The following RAB28 variants were observed in gnomAD, a reference collection of about 807,000 sequenced individuals.
RAB28 encodes ras-related protein Rab-28.
A neutral mutation model predicts 31.7 loss-of-function variants in RAB28; 24 were observed. The ratio of observed to expected loss-of-function variants is 0.76; its 90% CI spans 0.55 to 1.06. The LOEUF (loss-of-function observed/expected upper bound fraction) is 1.06, where lower values mean the gene tolerates loss of function less well. Ranked by LOEUF, RAB28 falls within the 50% of genes least tolerant of loss-of-function variation. The probability of loss-of-function intolerance (pLI) is 0.00; values close to 1 mark genes in which losing one functional copy is unlikely to be tolerated. For synonymous variants in RAB28, 100 were observed against 90.4 expected (o/e 1.11, Z -0.60); for missense variants, 254 against 258.5 (o/e 0.98, Z 0.12).
intron 4 of RAB28, among the ~76,000 whole-genome samples, chr4:13,391,025 C>T (rs1283055480): frequency 1.3e-5 from 2 of 152,104 alleles, no homozygotes; most frequent in African/African-American, 4.8e-5. Flanking sequence ...ACACCAAAAG[C>T]AATGGCAACA....
At chr4:13,472,685 C>A (rs1257015195) in intron 3 of RAB28, among the ~76,000 whole-genome samples, 1 of 151,810 alleles carries the variant, frequency 6.6e-6, no homozygotes, top group Non-Finnish European at 1.5e-5. Context: ...GCCTTGAAGA[C>A]AGATTTTATG....
rs142594854 is a variant in RAB28 at position 13,405,461 on chromosome 4, T to C, written c.392-23867A>G. Among the ~76,000 whole-genome samples the C allele has an allele frequency of 6.0e-3, 917 of 152,302 alleles. 2 individuals are homozygous for C. Among genetic ancestry groups the C allele is most frequent in the Non-Finnish European group, 7.7e-3 (527 of 68,008 alleles). ...TGAAAACTACAGTTCTTTGGATAGA[T>C]AACTGTTCTTATGTTAATGAATCAT... is the stretch of plus-strand genomic sequence containing the variant. On this transcript the variant is annotated intron_variant, in intron 4 of 6. Transcript: ENST00000330852.
chr4:13,453,506 G>A (rs1715086981), intron 4 of RAB28, among the ~76,000 whole-genome samples: 1 of 152,086 alleles, frequency 6.6e-6, no homozygotes, highest in African/African-American at 2.4e-5. Flanking sequence ...AGATGTAAGA[G>A]TACCTTGAAC....
At chr4:13,448,399 T>C (rs1197479337) in intron 4 of RAB28, among the ~76,000 whole-genome samples, 2 of 152,048 alleles carry the variant, frequency 1.3e-5, no homozygotes, top group Non-Finnish European at 2.9e-5. Flanking sequence ...TGGAGAGATA[T>C]CATATAAACA....
intron 2 of RAB28, among the ~76,000 whole-genome samples, chr4:13,477,091 T>C (rs1254726983): frequency 2.0e-5 from 3 of 151,556 alleles, no homozygotes; most frequent in Non-Finnish European, 4.4e-5. Flanking sequence ...GAACGCTGTT[T>C]ACTGGACTGT....
chr4:13,434,849 T>C (rs1244324458), intron 4 of RAB28, among the ~76,000 whole-genome samples: 2 of 151,580 alleles, frequency 1.3e-5, no homozygotes, highest in Non-Finnish European at 2.9e-5. Flanking sequence ...TGAAACCCTG[T>C]CTCTACTAAA....
chr4:13,423,874 G>A (rs901467820), intron 4 of RAB28, among the ~76,000 whole-genome samples: 2 of 152,064 alleles, frequency 1.3e-5, no homozygotes, highest in Admixed American at 6.5e-5. Flanking sequence ...GGGAGGGAAG[G>A]GGAGTTCTAT....
chr4:13,426,746 G>A (rs541555166), intron 4 of RAB28, among the ~76,000 whole-genome samples: 2 of 152,148 alleles, frequency 1.3e-5, no homozygotes, highest in African/African-American at 2.4e-5. Flanking sequence ...ATACTGATGA[G>A]ATTACATTCA....
At chr4:13,476,486 G>A (rs1163125061) in intron 2 of RAB28, among the ~76,000 whole-genome samples, 1 of 151,242 alleles carries the variant, frequency 6.6e-6, no homozygotes, top group Non-Finnish European at 1.5e-5. Context: ...TTCAATAAAT[G>A]ATATTTTAAT....
intron 6 of RAB28, chr4:13,370,449 AT>A: frequency 1.3e-6 from 1 of 778,428 alleles, no homozygotes; most frequent in Non-Finnish European, 1.6e-6. Flanking sequence ...CTTACACAGA[AT>A]CTATTCACAA....
intron 4 of RAB28, among the ~76,000 whole-genome samples, chr4:13,456,975 G>A (rs997116985): frequency 2.0e-5 from 3 of 152,066 alleles, no homozygotes; most frequent in Admixed American, 6.6e-5. Flanking sequence ...TAACTTGTAC[G>A]GAAATGTGTA....
At chr4:13,441,342 A>AAGGAT (rs1395560400) in intron 4 of RAB28, among the ~76,000 whole-genome samples, 7 of 152,334 alleles carry the variant, frequency 4.6e-5, no homozygotes, top group African/African-American at 1.2e-4. Flanking sequence ...AGCCTAATTA[A>AAGGAT]TTACCTAAAA....
chr4:13,415,989 G>C (rs959404407), intron 4 of RAB28, among the ~76,000 whole-genome samples: 2 of 152,102 alleles, frequency 1.3e-5, no homozygotes, highest in African/African-American at 4.8e-5. Context: ...TGTACCAATC[G>C]ACACTCTGTA....
intron 4 of RAB28, among the ~76,000 whole-genome samples, chr4:13,435,550 C>T (rs1714050231): frequency 6.6e-6 from 1 of 152,120 alleles, no homozygotes; most frequent in Non-Finnish European, 1.5e-5. Flanking sequence ...AACATTACAA[C>T]TGACAGCACA....
intron 6 of RAB28, among the ~76,000 whole-genome samples, chr4:13,375,081 T>C (rs974078647): frequency 6.6e-6 from 1 of 152,136 alleles, no homozygotes; most frequent in Non-Finnish European, 1.5e-5. Flanking sequence ...CCCAGTACAC[T>C]TTCCCCCAGT....
intron 6 of RAB28, chr4:13,369,898 C>T (rs1191244594): frequency 1.9e-6 from 3 of 1,612,122 alleles, no homozygotes; most frequent in Non-Finnish European, 2.5e-6. Flanking sequence ...ACAGATTCTA[C>T]TCTGAGTAGA....
chr4:13,437,919 C>A (rs1192025989), intron 4 of RAB28, among the ~76,000 whole-genome samples: 3 of 152,080 alleles, frequency 2.0e-5, no homozygotes, highest in African/African-American at 4.8e-5. Flanking sequence ...ATACTATTCA[C>A]AATAGTGAAG....
intron 4 of RAB28, among the ~76,000 whole-genome samples, chr4:13,407,154 T>C (rs540026372): frequency 6.6e-6 from 1 of 152,242 alleles, no homozygotes; most frequent in African/African-American, 2.4e-5. Context: ...AACATTTAAG[T>C]CTTTAATCAT....
At chr4:13,439,712 T>G (rs1328375944) in intron 4 of RAB28, among the ~76,000 whole-genome samples, 1 of 152,216 alleles carries the variant, frequency 6.6e-6, no homozygotes, top group African/African-American at 2.4e-5. Flanking sequence ...GTTTAGGCCT[T>G]TGATCCATTT....
Sources: allele counts gnomAD v4.1 joint callset (sites outside exome capture counted in the v4.1 genomes callset), GRCh38; gene constraint gnomAD v4.1.1; transcripts MANE v1.5; gene names NCBI Gene and HGNC (gene_info 2026-07-23, HGNC 2026-07-21).